The following PANK4 variants were observed in gnomAD, a reference collection of about 807,000 sequenced individuals.
The protein encoded by PANK4 is 4'-phosphopantetheine phosphatase.
PANK4 carries 40 observed loss-of-function variants against 87.9 expected under a neutral mutation model. The observed-to-expected ratio is 0.46, with a 90% CI of 0.35 to 0.59. PANK4 has a LOEUF of 0.59. Among genes scored for constraint, PANK4 ranks in the 20% least tolerant of loss-of-function variants. The probability of loss-of-function intolerance (pLI) is 0.00; values close to 1 mark genes in which losing one functional copy is unlikely to be tolerated. For synonymous variants in PANK4, 524 were observed against 467.4 expected, an observed-to-expected ratio of 1.12 and a Z score of -1.56; for missense variants, 926 against 1,072.3, an observed-to-expected ratio of 0.86 and a Z score of 1.90.
chr1:2,520,210 G>A lies in PANK4; in HGVS notation c.699+112C>T, dbSNP rs1557445969. 9.7e-7 allele frequency: 1 copy of A among 1,029,014 alleles called. No homozygotes were observed. Among genetic ancestry groups the A allele is most frequent in the Non-Finnish European group, 1.5e-6 (1 of 667,776 alleles). The allele number at this position is 1,029,014 out of a possible 1,614,324, so 63.7% of individuals were successfully genotyped here. On this transcript the variant is annotated intron_variant, in intron 5 of 18. Transcript: ENST00000378466. The surrounding 1 kb of genome is among the most constrained non-coding windows in gnomAD (Gnocchi z 6.2). ...AGAGGCCAGAGACCCACTGACGCGA[G>A]TCAGGAGGGAGGCCCGGAAGCAGCT... is the stretch of plus-strand genomic sequence containing the variant.
In PANK4 at chr1:2,519,743, T is replaced by G; in HGVS notation, c.853+58A>C. ...CAATGGTGGGGGAAGCTCCTGTCCG[T>G]GAGACCCCAAGTGTCCCCACCATCC... On this transcript the variant is annotated intron_variant, in intron 6 of 18. Coordinates refer to ENST00000378466, the MANE Select transcript of PANK4 (RefSeq NM_018216.4). This position sits in a 1 kb window ranked among gnomAD's most constrained non-coding sequence, Gnocchi z 8.3. The G allele has an allele frequency of 1.0e-5, 15 of 1,475,454 alleles. No individual in the cohort carries two copies. Among genetic ancestry groups the G allele is most frequent in the Non-Finnish European group, 1.4e-5 (15 of 1,104,566 alleles). 91.4% of individuals were successfully genotyped at this position (1,475,454 alleles called of 1,614,324 possible).
intron 15 of PANK4, 53 bp downstream of exon 15, chr1:2,511,285 C>T (rs1429503592): frequency 2.2e-6 from 3 of 1,340,748 alleles, no homozygotes; most frequent in Middle Eastern, 1.8e-4. Context: ...GTGACCACCC[C>T]CCCGGGCCCC....
intron 1 of PANK4, chr1:2,525,605 C>T (rs554083451): frequency 6.6e-6 from 1 of 152,314 alleles, no homozygotes; most frequent in South Asian, 2.1e-4. Context: ...GTTCACCTTT[C>T]TGGGGCTTGG....
chr1:2,513,056 A>G lies in PANK4; in HGVS notation c.1576-17T>C. On this transcript the variant is annotated splice_polypyrimidine_tract_variant and intron_variant, in intron 12 of 18. Coordinates refer to ENST00000378466, the MANE Select transcript of PANK4 (RefSeq NM_018216.4). ...CTGCTTCACCTGTGGAGAGTGCCAGATGCCAGGCCTGAGTGAAGACGTGGC... is the reference window on the plus strand; with the variant it reads ...CTGCTTCACCTGTGGAGAGTGCCAGGTGCCAGGCCTGAGTGAAGACGTGGC... The G allele has an allele frequency of 6.3e-7, 1 of 1,576,566 alleles. No homozygotes were observed. Among genetic ancestry groups the G allele is most frequent in the South Asian group, 1.1e-5 (1 of 87,874 alleles).
chr1:2,518,383 G>A (rs2100785394), intron 8 of PANK4, 119 bp from the exon 9 acceptor site: 1 of 957,344 alleles, frequency 1.0e-6, no homozygotes, highest in Non-Finnish European at 1.6e-6. Flanking sequence ...TGTTAGACAT[G>A]CCTGCTGCTG....
In PANK4 at chr1:2,508,614, A is replaced by T. The variant is rs932189226; in HGVS notation, c.*233T>A. On this transcript the variant is annotated 3_prime_UTR_variant, in exon 19 of 19. Transcript: ENST00000378466. This position sits in a 1 kb window ranked among gnomAD's most constrained non-coding sequence, Gnocchi z 5.1. ...CATACCTGTATAGATCTCTCTATTT[A>T]TATATATATATATATAAAAGGTTCT... 8 of 212,356 alleles carry T rather than the reference A, an allele frequency of 3.8e-5. No homozygotes were observed. The East Asian group carries it at 4.1e-4, about 11-fold the overall frequency. 13.2% of individuals were successfully genotyped at this position (212,356 alleles called of 1,614,324 possible).
rs1643865544 is a variant in PANK4, at chr1:2,520,474, G to GC, written c.607-61dup. 3.2e-5 allele frequency: 39 copies of GC among 1,216,660 alleles called. No homozygotes were observed. The highest frequency in any genetic ancestry group is 9.0e-5 in the Admixed American group (4 of 44,332). The allele number at this position is 1,216,660 out of a possible 1,614,324, so 75.4% of individuals were successfully genotyped here. A position where few individuals can be genotyped will look rare whatever the true frequency, so the allele number is the denominator to read the frequency against. Reference sequence around the variant, plus strand: ...GGCCCTCAGCCACACAGGCTCCCCCGCCCCCCGCCCCATGTGCTGCGCTGG... The same window carrying GC: ...GGCCCTCAGCCACACAGGCTCCCCCGCCCCCCCGCCCCATGTGCTGCGCTGG... On this transcript the variant is annotated intron_variant, in intron 4 of 18. Coordinates refer to ENST00000378466, the MANE Select transcript of PANK4 (RefSeq NM_018216.4). The surrounding 1 kb of genome is among the most constrained non-coding windows in gnomAD (Gnocchi z 6.2).
chr1:2,511,197 G>A, intron 15 of PANK4, 141 bp downstream of exon 15: 2 of 682,112 alleles, frequency 2.9e-6, no homozygotes, highest in South Asian at 1.7e-5. Context: ...GGGATGCTGA[G>A]ACCCTTGGCT....
chr1:2,515,849 G>A lies in PANK4; in HGVS notation c.1219-132C>T. 1.1e-6 allele frequency: 1 copy of A among 932,518 alleles called. No individual in the cohort carries two copies. The highest frequency in any genetic ancestry group is 1.6e-6 in the Non-Finnish European group (1 of 621,026). The allele number at this position is 932,518 out of a possible 1,614,324, so 57.8% of individuals were successfully genotyped here. Reference sequence around the variant, plus strand: ...TCTTCCGCCACGTCTCTGGGCCACAGACGAGACCCCCACTGGGCCCCCTCA... The same window carrying A: ...TCTTCCGCCACGTCTCTGGGCCACAAACGAGACCCCCACTGGGCCCCCTCA... On this transcript the variant is annotated intron_variant, in intron 9 of 18. Coordinates refer to ENST00000378466, the MANE Select transcript of PANK4 (RefSeq NM_018216.4). This position sits in a 1 kb window ranked among gnomAD's most constrained non-coding sequence, Gnocchi z 5.0.
rs201815815 is a variant in PANK4 at position 2,518,498 on chromosome 1, G to A, written c.1117+18C>T. The A allele has an allele frequency of 6.0e-5, 93 of 1,547,966 alleles. No individual in the cohort carries two copies. Among genetic ancestry groups the A allele is most frequent in the South Asian group, 5.9e-4 (50 of 84,500 alleles). On this transcript the variant is annotated intron_variant, in intron 8 of 18. Transcript: ENST00000378466. ...CTGAGGCCCCACGCTGCTCAGGGGC[G>A]CCAGCACCGCGACTCACTGTCCTGC...
intron 15 of PANK4, 137 bp downstream of exon 15, chr1:2,511,201 C>T (rs534328956): frequency 1.9e-5 from 13 of 689,674 alleles, no homozygotes; most frequent in Non-Finnish European, 3.4e-5. Context: ...TGCTGAGACC[C>T]TTGGCTCGCA....
In PANK4 at chr1:2,520,053, G is replaced by A. The variant is rs1404906174; in HGVS notation, c.700-99C>T. On this transcript the variant is annotated intron_variant, in intron 5 of 18. Transcript: ENST00000378466. This position sits in a 1 kb window ranked among gnomAD's most constrained non-coding sequence, Gnocchi z 6.2. ...CATGGCAGGAGGCACGCGCGGGCAG[G>A]GGGTAAATGGGCCCTCATCGCGTGG... 6.9e-6 allele frequency: 8 copies of A among 1,156,926 alleles called. No individual in the cohort carries two copies. Among genetic ancestry groups the A allele is most frequent in the South Asian group, 1.6e-5 (1 of 64,114 alleles). 71.7% of individuals were successfully genotyped at this position (1,156,926 alleles called of 1,614,324 possible).
Position 2,520,184 on chromosome 1 carries a change from C to A in PANK4, c.699+138G>T. On this transcript the variant is annotated intron_variant, in intron 5 of 18. Coordinates refer to ENST00000378466, the MANE Select transcript of PANK4 (RefSeq NM_018216.4). This position sits in a 1 kb window ranked among gnomAD's most constrained non-coding sequence, Gnocchi z 6.2. Reference sequence around the variant, plus strand: ...CCTCAGGGCGCAAAGAGTGAAGCCGCAGAGGCCAGAGACCCACTGACGCGA... The same window carrying A: ...CCTCAGGGCGCAAAGAGTGAAGCCGAAGAGGCCAGAGACCCACTGACGCGA... 1.2e-6 allele frequency: 1 copy of A among 834,264 alleles called. No homozygotes were observed. The highest frequency in any genetic ancestry group is 1.9e-6 in the Non-Finnish European group (1 of 517,248). The allele number at this position is 834,264 out of a possible 1,614,324, so 51.7% of individuals were successfully genotyped here.
At chr1:2,517,890 C>G (rs1039783783) in intron 9 of PANK4, among the ~76,000 whole-genome samples, 2 of 152,224 alleles carry the variant, frequency 1.3e-5, no homozygotes, top group Non-Finnish European at 2.9e-5. Flanking sequence ...CTTTAGCAAT[C>G]TCTCTGCAAA....
intron 13 of PANK4, chr1:2,512,569 C>T: frequency 2.5e-6 from 1 of 392,218 alleles, no homozygotes; most frequent in Non-Finnish European, 4.6e-6. Context: ...TCCTACCACA[C>T]ATAGGAAACA....
intron 1 of PANK4, 56 bp downstream of exon 1, chr1:2,526,397 TCGCCGGCCCAC>T (rs1553124413): frequency 2.1e-6 from 1 of 466,464 alleles, no homozygotes; most frequent in Non-Finnish European, 2.7e-6. Flanking sequence ...CCGCCCCCGC[TCGCCGGCCCAC>T]CGCCGGCGCC....
At position 2,519,383 on chromosome 1, in the gene PANK4, G is replaced by A; in HGVS notation, c.854-59C>T. 9.8e-7 allele frequency: 1 copy of A among 1,022,524 alleles called. No homozygotes were observed. The highest frequency in any genetic ancestry group is 1.3e-6 in the Non-Finnish European group (1 of 745,524). 63.3% of individuals were successfully genotyped at this position (1,022,524 alleles called of 1,614,324 possible). On this transcript the variant is annotated intron_variant, in intron 6 of 18. Transcript: ENST00000378466. This position sits in a 1 kb window ranked among gnomAD's most constrained non-coding sequence, Gnocchi z 8.3. ...AGTACAGCAAGTGCACGACATGAGA[G>A]CGAGCAGGAGGGGAGGGGGAGAGAG... is the stretch of plus-strand genomic sequence containing the variant.
At chr1:2,523,772 G>A (rs908653680) in intron 1 of PANK4, among the ~76,000 whole-genome samples, 4 of 152,238 alleles carry the variant, frequency 2.6e-5, no homozygotes, top group Non-Finnish European at 2.9e-5. Flanking sequence ...AACCGCCTGC[G>A]GGCGGGGACC....
At chr1:2,516,182 T>C (rs1643772582) in intron 9 of PANK4, among the ~76,000 whole-genome samples, 1 of 151,956 alleles carries the variant, frequency 6.6e-6, no homozygotes, top group Admixed American at 6.5e-5. Flanking sequence ...CACACAGAGG[T>C]TTGGGGTTCT....
Sources: gnomAD v4.1 joint callset for allele counts (sites outside exome capture counted in the v4.1 genomes callset) on GRCh38, gnomAD v4.1.1 for gene constraint, Gnocchi (gnomAD v3.1) non-coding constraint, MANE v1.5 for transcripts, NCBI Gene and HGNC (gene_info 2026-07-23, HGNC 2026-07-21) for gene names.